Variants in PTPN9 observed in about 807,000 individuals in gnomAD.
The protein encoded by PTPN9 is tyrosine-protein phosphatase non-receptor type 9.
Under a neutral mutation model 69.8 loss-of-function variants are expected in PTPN9, and 26 were observed. That is an observed-to-expected ratio of 0.37 (90% CI 0.27 to 0.52). The LOEUF is 0.52. PTPN9 is among the 20% of genes least tolerant of loss of function. PTPN9 has a pLI of 0.91. For synonymous variants in PTPN9, 274 were observed against 272.5 expected, an observed-to-expected ratio of 1.01 and a Z score of -0.05; for missense variants, 549 against 740.3, an observed-to-expected ratio of 0.74 and a Z score of 3.00.
intron 1 of PTPN9, among the ~76,000 whole-genome samples, chr15:75,553,862 C>T (rs2075065642): frequency 6.6e-6 from 1 of 152,102 alleles, no homozygotes; most frequent in African/African-American, 2.4e-5. Context: ...GTCACATACT[C>T]AAGAAAGTAG....
intron 8 of PTPN9, among the ~76,000 whole-genome samples, chr15:75,480,270 G>A (rs954679385): frequency 1.3e-5 from 2 of 152,106 alleles, no homozygotes; most frequent in Admixed American, 1.3e-4. Context: ...TACCAAAGGC[G>A]TAAGTGACAA....
At chr15:75,469,771 G>C (rs1567459335) in intron 12 of PTPN9, 21 bp downstream of exon 12, 1 of 1,609,434 alleles carries the variant, frequency 6.2e-7, no homozygotes, top group Non-Finnish European at 8.5e-7. Context: ...CAGACACCAA[G>C]AGCTGCATTA....
chr15:75,487,014 T>A lies in PTPN9; in HGVS notation c.1062+3194A>T, dbSNP rs1380123802. Among the ~76,000 whole-genome samples the A allele has an allele frequency of 2.6e-5, 4 of 152,088 alleles. No homozygotes were observed. The East Asian group carries it at 7.7e-4, about 29-fold the overall frequency. ...GTTAGCCAGGATGGTCTCGATCTCC[T>A]GACCTTGTGATCTGCCCGCCTCGGC... On this transcript the variant is annotated intron_variant, in intron 8 of 12. Transcript: ENST00000618819.
chr15:75,478,265 C>T (rs1050242927), intron 9 of PTPN9, among the ~76,000 whole-genome samples: 4 of 152,048 alleles, frequency 2.6e-5, no homozygotes, highest in African/African-American at 9.7e-5. Context: ...GCCACCACGC[C>T]CGGCTAATTT....
At chr15:75,516,312 T>TC (rs1189557280) in intron 5 of PTPN9, among the ~76,000 whole-genome samples, 1 of 150,522 alleles carries the variant, frequency 6.6e-6, no homozygotes, top group African/African-American at 2.4e-5. Context: ...TCTTTTTTTT[T>TC]TTTTTTTTTG....
At chr15:75,566,028 T>G (rs2075125145) in intron 1 of PTPN9, among the ~76,000 whole-genome samples, 1 of 152,196 alleles carries the variant, frequency 6.6e-6, no homozygotes, top group Non-Finnish European at 1.5e-5. Flanking sequence ...AAGAAAAGTT[T>G]CCTGTATCAC....
intron 9 of PTPN9, among the ~76,000 whole-genome samples, chr15:75,475,768 C>A (rs1051709262): frequency 2.0e-5 from 3 of 152,192 alleles, no homozygotes; most frequent in African/African-American, 7.2e-5. Flanking sequence ...AATACCCTCT[C>A]TGCAGAAGTG....
At chr15:75,485,572 T>G (rs1353981137) in intron 8 of PTPN9, among the ~76,000 whole-genome samples, 1 of 148,994 alleles carries the variant, frequency 6.7e-6, no homozygotes, top group Non-Finnish European at 1.5e-5. Flanking sequence ...GGGTTTCACC[T>G]TGTTAGCCAG....
intron 5 of PTPN9, among the ~76,000 whole-genome samples, chr15:75,516,813 C>T (rs1239475897): frequency 2.7e-5 from 4 of 148,910 alleles, no homozygotes; most frequent in African/African-American, 5.0e-5. Flanking sequence ...GGCACAATCC[C>T]GGCTCACTGC....
chr15:75,535,079 C>G (rs940504192), intron 1 of PTPN9, among the ~76,000 whole-genome samples: 14 of 151,742 alleles, frequency 9.2e-5, no homozygotes, highest in African/African-American at 1.4e-4. Context: ...TCACTGCAAG[C>G]TCCGTCTCCT....
chr15:75,499,771 A>T (rs2074763327), intron 7 of PTPN9, among the ~76,000 whole-genome samples: 1 of 152,054 alleles, frequency 6.6e-6, no homozygotes, highest in Admixed American at 6.6e-5. Flanking sequence ...GCCTCACAGC[A>T]GCTGGTAGTT....
rs939470515 is a variant in PTPN9 at position 75,545,620 on chromosome 15, T to C, written c.64-18359A>G. ...ATATCTTAACGTCAGACATCTATAA[T>C]AGGATATACAAAATAAAATAATTTA... On this transcript the variant is annotated intron_variant, in intron 1 of 12. Coordinates refer to ENST00000618819, the MANE Select transcript of PTPN9 (RefSeq NM_002833.4). Among the ~76,000 whole-genome samples the C allele has an allele frequency of 3.9e-5, 6 of 152,184 alleles. No homozygotes were observed. In the South Asian group the frequency reaches 6.2e-4, roughly 16 times the overall value.
chr15:75,527,584 T>A (rs549479465), intron 1 of PTPN9, among the ~76,000 whole-genome samples: 8 of 151,978 alleles, frequency 5.3e-5, no homozygotes, highest in African/African-American at 1.2e-4. Flanking sequence ...AATAAAAAAA[T>A]TTAAAAATTT....
At chr15:75,475,621 T>C (rs1227672802) in intron 9 of PTPN9, among the ~76,000 whole-genome samples, 1 of 152,068 alleles carries the variant, frequency 6.6e-6, no homozygotes, top group Non-Finnish European at 1.5e-5. Context: ...AGATAATTCC[T>C]TATACTTTCT....
At chr15:75,479,759 C>T in intron 9 of PTPN9, 89 bp downstream of exon 9, 1 of 1,137,800 alleles carries the variant, frequency 8.8e-7, no homozygotes, top group Non-Finnish European at 1.3e-6. Context: ...ACTCAAGTTA[C>T]CATTCGTTTA....
chr15:75,482,381 C>T (rs923772032), intron 8 of PTPN9, among the ~76,000 whole-genome samples: 8 of 152,028 alleles, frequency 5.3e-5, no homozygotes, highest in East Asian at 3.9e-4. Flanking sequence ...CTGGCTAACA[C>T]GGTGAAACCC....
At chr15:75,519,201 C>T (rs1439609651) in intron 4 of PTPN9, among the ~76,000 whole-genome samples, 2 of 152,254 alleles carry the variant, frequency 1.3e-5, no homozygotes, top group African/African-American at 2.4e-5. Context: ...CTCCGCCGCC[C>T]GGGTTCAAGC....
At chr15:75,501,075 A>C (rs1017575499) in intron 7 of PTPN9, among the ~76,000 whole-genome samples, 27 of 151,726 alleles carry the variant, frequency 1.8e-4, no homozygotes, top group African/African-American at 6.1e-4. Flanking sequence ...TCTTGATCTG[A>C]TTGACTTCTT....
chr15:75,500,684 G>A, intron 7 of PTPN9, among the ~76,000 whole-genome samples: 1 of 151,678 alleles, frequency 6.6e-6, no homozygotes, highest in East Asian at 1.9e-4. Flanking sequence ...TGAGCCCAGG[G>A]GTTCAAGACC....
Sources: gnomAD v4.1 joint callset for allele counts (sites outside exome capture counted in the v4.1 genomes callset) on GRCh38, gnomAD v4.1.1 for gene constraint, MANE v1.5 for transcripts, NCBI Gene and HGNC (gene_info 2026-07-23, HGNC 2026-07-21) for gene names.